NBPF15: variants seen among roughly 807,000 people sequenced by gnomAD.
NBPF15 encodes NBPF family member NBPF15.
A neutral mutation model predicts 62.2 loss-of-function variants in NBPF15; 74 were observed. The observed-to-expected ratio is 1.19, with a 90% CI of 0.99 to 1.44. The LOEUF is 1.44. Ranked by LOEUF, NBPF15 falls within the 40% of genes most tolerant of loss-of-function variation. The pLI is 0.00. For missense variants in NBPF15, 790 were observed against 550.0 expected, an observed-to-expected ratio of 1.44 and a Z score of -4.36; for synonymous variants, 244 against 209.7, an observed-to-expected ratio of 1.16 and a Z score of -1.41.
Position 144,439,975 on chromosome 1 carries a change from C to A in NBPF15, c.29G>T (p.Ser10Ile), listed in dbSNP as rs1443870606. MVVSAGPLSSEKAEMNILEI... is the reference protein window; with the variant it reads MVVSAGPLSIEKAEMNILEI... Reference sequence around the variant, plus strand: ...TAGAATGTTCATCTCTGCCTTCTCGCTGGACAAAGGGCCGGCTGATACCAC... The same window carrying A: ...TAGAATGTTCATCTCTGCCTTCTCGATGGACAAAGGGCCGGCTGATACCAC... Residue 10 changes from serine to isoleucine, a missense_variant, in exon 8 of 22, where the codon AGC becomes ATC. Physicochemically the swap from Ser to Ile is moderately radical, Grantham distance 142 (BLOSUM62 -2). Transcript: ENST00000581897. 9 of 1,610,454 alleles carry A rather than the reference C, an allele frequency of 5.6e-6. No homozygotes were observed. The East Asian group carries it at 2.0e-4, about 36-fold the overall frequency.
In NBPF15 at chr1:144,423,948, T is replaced by A; in HGVS notation, c.1691A>T (p.Lys564Ile). ...GEIEKKGKGK[K>I]RRGRRSKKKR... Reference sequence around the variant, plus strand: ...CTTCTTTGATCTTCTTCCCCTTCTTTTCTTCCCCTTCCCCTTCTTTTCAAT... The same window carrying A: ...CTTCTTTGATCTTCTTCCCCTTCTTATCTTCCCCTTCCCCTTCTTTTCAAT... Residue 564 changes from lysine (K) to isoleucine (I), a missense_variant, in exon 21 of 22, where the codon AAA (lysine) becomes ATA (isoleucine). Lys to Ile is a moderately radical substitution (Grantham distance 102). Coordinates refer to ENST00000581897, the MANE Select transcript of NBPF15 (RefSeq NM_001385408.1). 1.3e-6 allele frequency: 1 copy of A among 774,856 alleles called. No individual in the cohort carries two copies. The highest frequency in any genetic ancestry group is 1.7e-5 in the African/African-American group (1 of 59,288). 48.0% of individuals were successfully genotyped at this position (774,856 alleles called of 1,614,324 possible). A position where few individuals can be genotyped will look rare whatever the true frequency, so the allele number is the denominator to read the frequency against.
In NBPF15 at chr1:144,453,321, C is replaced by T. The variant is rs1692353954; in HGVS notation, c.-431-2451G>A. Among the ~76,000 whole-genome samples, 4 of 151,908 alleles carry T rather than the reference C, an allele frequency of 2.6e-5. No homozygotes were observed. In the Middle Eastern group the frequency reaches 0.014, roughly 517 times the overall value. On this transcript the variant is annotated intron_variant, in intron 4 of 21. Coordinates refer to ENST00000581897, the MANE Select transcript of NBPF15 (RefSeq NM_001385408.1). ...AATAAATCCAGGTATGCATGTTATA[C>T]CCTTTATAAAATAAATCTTACACGT...
chr1:144,447,573 C>G (rs1196798222), intron 6 of NBPF15, among the ~76,000 whole-genome samples: 1 of 151,580 alleles, frequency 6.6e-6, no homozygotes, highest in Non-Finnish European at 1.5e-5. Context: ...TGGCATAAGA[C>G]AGGATGGAAA....
At chr1:144,458,882 A>G (rs1172691701) in intron 3 of NBPF15, among the ~76,000 whole-genome samples, 6 of 151,814 alleles carry the variant, frequency 4.0e-5, no homozygotes, top group African/African-American at 1.2e-4. Context: ...TCTACAAAAA[A>G]TATGAAAATT....
At position 144,427,945 on chromosome 1, in the gene NBPF15, C is replaced by A; in HGVS notation, c.1086G>T (p.Gln362His). The A allele has an allele frequency of 1.3e-6, 1 of 777,798 alleles. No homozygotes were observed. Among genetic ancestry groups the A allele is most frequent in the Admixed American group, 1.8e-5 (1 of 56,900 alleles). 48.2% of individuals were successfully genotyped at this position (777,798 alleles called of 1,614,324 possible). The change falls in exon 16 of 22, where the codon CAG (glutamine) becomes CAT (histidine). Residue 362 changes from glutamine (Q) to histidine (H), a missense_variant. Gln to His is a conservative substitution (Grantham distance 24, BLOSUM62 0). Transcript: ENST00000581897. Reference sequence around the variant, plus strand: ...TTGAATAACATCTATCCAGTGAGTCCTGCAAGACTTCAGGCTCTTTCTCAT... The same window carrying A: ...TTGAATAACATCTATCCAGTGAGTCATGCAAGACTTCAGGCTCTTTCTCAT... Reference protein sequence around the residue: ...LLDEKEPEVLQDSLDRCYSTP... With the variant: ...LLDEKEPEVLHDSLDRCYSTP...
rs1553538763 is a variant in NBPF15 at position 144,423,884 on chromosome 1, G to C, written c.1755C>G (p.Asn585Lys). ...RRGRKEGEDD[N>K]PPCPRLYGVL... ...CTGAAAGTTACCTGGGGCATGGTGGGTTGTCATCTTCCCCTTCTTTTCTTC... is the reference window on the plus strand; with the variant it reads ...CTGAAAGTTACCTGGGGCATGGTGGCTTGTCATCTTCCCCTTCTTTTCTTC... The change falls in exon 21 of 22, where the codon AAC becomes AAG. Residue 585 changes from asparagine to lysine, a missense_variant. Transcript: ENST00000581897. The C allele has an allele frequency of 5.1e-6, 4 of 779,084 alleles. No homozygotes were observed. Among genetic ancestry groups the C allele is most frequent in the Non-Finnish European group, 9.3e-6 (4 of 430,680 alleles). The allele number at this position is 779,084 out of a possible 1,614,324, so 48.3% of individuals were successfully genotyped here. A position where few individuals can be genotyped will look rare whatever the true frequency, so the allele number is the denominator to read the frequency against.
Position 144,449,313 on chromosome 1 carries a change from C to T in NBPF15, c.-332-397G>A, listed in dbSNP as rs182361385. Among the ~76,000 whole-genome samples the T allele has an allele frequency of 1.6e-3, 249 of 152,042 alleles. 8 individuals are homozygous for T. The highest frequency in any genetic ancestry group is 0.013 in the Admixed American group (204 of 15,258). ...TATTCTTACAGAACTAAACATCTACCTATTCTATGACTCACTAATTCCTAA... is the reference window on the plus strand; with the variant it reads ...TATTCTTACAGAACTAAACATCTACTTATTCTATGACTCACTAATTCCTAA... On this transcript the variant is annotated intron_variant, in intron 5 of 21. Coordinates refer to ENST00000581897, the MANE Select transcript of NBPF15 (RefSeq NM_001385408.1).
At chr1:144,432,761 C>T (rs587640501) in intron 13 of NBPF15, among the ~76,000 whole-genome samples, 2 of 152,076 alleles carry the variant, frequency 1.3e-5, no homozygotes, top group South Asian at 2.1e-4. Flanking sequence ...GTTAACTATC[C>T]TAAATATATA....
Position 144,440,399 on chromosome 1 carries a change from C to T in NBPF15, c.-190-104G>A, listed in dbSNP as rs1270243783. On this transcript the variant is annotated intron_variant, in intron 6 of 21. Transcript: ENST00000581897. Reference sequence around the variant, plus strand: ...TGCTGAAACACAGGCACCCTAGTCTCACCTGAGGGTCACCACCAATGGGGA... The same window carrying T: ...TGCTGAAACACAGGCACCCTAGTCTTACCTGAGGGTCACCACCAATGGGGA... 141 of 624,504 alleles carry T rather than the reference C, an allele frequency of 2.3e-4. 2 individuals carry two copies. In the South Asian group the frequency reaches 2.6e-3, roughly 11 times the overall value. The allele number at this position is 624,504 out of a possible 1,614,324, so 38.7% of individuals were successfully genotyped here.
At chr1:144,446,737 TA>T (rs1687823531) in intron 6 of NBPF15, among the ~76,000 whole-genome samples, 1 of 152,068 alleles carries the variant, frequency 6.6e-6, no homozygotes, top group South Asian at 2.1e-4. Flanking sequence ...TATAAAATGA[TA>T]TTTTTTAAAT....
chr1:144,432,564 A>G (rs1675171127), intron 13 of NBPF15, among the ~76,000 whole-genome samples: 1 of 151,874 alleles, frequency 6.6e-6, no homozygotes, highest in Admixed American at 6.6e-5. Context: ...CAGGAAACCC[A>G]TCTCACATGC....
chr1:144,423,847 C>A (rs1667547936), intron 21 of NBPF15, 23 bp downstream of exon 21: 1 of 763,474 alleles, frequency 1.3e-6, no homozygotes, highest in Non-Finnish European at 2.4e-6. Flanking sequence ...CAGAATTAAG[C>A]ATCCACAATT....
rs1671435466 is a variant in NBPF15, at chr1:144,428,287, G to T, written c.1041-297C>A. Among the ~76,000 whole-genome samples, 4 of 151,788 alleles carry T rather than the reference G, an allele frequency of 2.6e-5. No homozygotes were observed. In the South Asian group the frequency reaches 8.3e-4, roughly 32 times the overall value. On this transcript the variant is annotated intron_variant, in intron 15 of 21. Transcript: ENST00000581897. ...AGGACACTCTGTATTTGTGCTCTCAGGACACACAGTGAACAGTGATCATGA... is the reference window on the plus strand; with the variant it reads ...AGGACACTCTGTATTTGTGCTCTCATGACACACAGTGAACAGTGATCATGA...
Position 144,439,823 on chromosome 1 carries a change from T to C in NBPF15, c.175+6A>G. On this transcript the variant is annotated splice_donor_region_variant and intron_variant, in intron 8 of 21. Transcript: ENST00000581897. The stretch of plus-strand genomic sequence containing the variant: ...ACTTTCATGACGGTGAGCCTATAGA[T>C]CTTACTGTATTTCTTCTGTCGGTTG... 1 of 1,589,394 alleles carries C rather than the reference T, an allele frequency of 6.3e-7. No individual in the cohort carries two copies. Among genetic ancestry groups the C allele is most frequent in the Non-Finnish European group, 8.6e-7 (1 of 1,162,646 alleles).
chr1:144,442,309 T>A (rs1327271935), intron 6 of NBPF15, among the ~76,000 whole-genome samples: 2 of 129,674 alleles, frequency 1.5e-5, no homozygotes, highest in Non-Finnish European at 3.2e-5. Flanking sequence ...TATATACACG[T>A]GTATATATTA....
chr1:144,442,336 T>G (rs1353247106), intron 6 of NBPF15, among the ~76,000 whole-genome samples: 1 of 134,044 alleles, frequency 7.5e-6, no homozygotes, highest in African/African-American at 2.8e-5. Context: ...TATACACGTG[T>G]GCCATGTATA....
intron 21 of NBPF15, 118 bp downstream of exon 21, chr1:144,423,752 C>A: frequency 1.4e-6 from 1 of 701,032 alleles, no homozygotes; most frequent in South Asian, 1.6e-5. Flanking sequence ...ACAGCAATGA[C>A]AGTAGGAGTA....
intron 6 of NBPF15, among the ~76,000 whole-genome samples, chr1:144,445,574 C>G (rs1686919503): frequency 6.7e-6 from 1 of 148,342 alleles, no homozygotes; most frequent in Non-Finnish European, 1.5e-5. Context: ...CGCCATTATT[C>G]TTTTATAATA....
chr1:144,434,561 T>C (rs1676808523), intron 12 of NBPF15, among the ~76,000 whole-genome samples: 1 of 144,268 alleles, frequency 6.9e-6, no homozygotes, highest in South Asian at 2.2e-4. Flanking sequence ...AGCCATTGCA[T>C]TGACAGGGTG....
Sources: allele counts gnomAD v4.1 joint callset (sites outside exome capture counted in the v4.1 genomes callset), GRCh38; gene constraint gnomAD v4.1.1; transcripts MANE v1.5; gene names NCBI Gene and HGNC (gene_info 2026-07-23, HGNC 2026-07-21).